Variants in DGKQ observed in about 807,000 individuals in gnomAD.
The protein encoded by DGKQ is DAG kinase theta.
In DGKQ, 97 loss-of-function variants were observed where a neutral mutation model predicts 104.2. The observed-to-expected ratio is 0.93, with a 90% confidence interval of 0.79 to 1.10. The LOEUF (loss-of-function observed/expected upper bound fraction) is 1.10, where lower values mean the gene tolerates loss of function less well. DGKQ is among the 50% of genes least tolerant of loss of function. The pLI is 0.00. For synonymous variants in DGKQ, 736 were observed against 595.2 expected (o/e 1.24, Z -3.44); for missense variants, 1,465 against 1,352.1 (o/e 1.08, Z -1.31).
Position 973,229 on chromosome 4 carries a change from GC to G in DGKQ, c.253del (p.Ala85ProfsTer17). ...HLCSDFIWGL[A>X]GFLCDVCNFM... ...GCGCTCACCGTCGCACAGGAAGCCG[GC>G]CAGCCCCCAGATGAAGTCGGAGCAG... On this transcript the variant is annotated frameshift_variant, in exon 1 of 23. Coordinates refer to ENST00000273814, the MANE Select transcript of DGKQ (RefSeq NM_001347.4). LOFTEE classifies it high-confidence loss of function. 1 of 1,561,532 alleles carries G rather than the reference GC, an allele frequency of 6.4e-7. No individual in the cohort carries two copies. Among genetic ancestry groups the G allele is most frequent in the Non-Finnish European group, 8.6e-7 (1 of 1,156,792 alleles).
chr4:968,290 C>T lies in DGKQ; in HGVS notation c.655G>A (p.Gly219Arg). The T allele has an allele frequency of 5.3e-6, 8 of 1,499,992 alleles. No individual in the cohort carries two copies. The highest frequency in any genetic ancestry group is 1.2e-5 in the South Asian group (1 of 81,544). 92.9% of individuals were successfully genotyped at this position (1,499,992 alleles called of 1,614,324 possible). A position where few individuals can be genotyped will look rare whatever the true frequency, so the allele number is the denominator to read the frequency against. ...VLAGVRCEWC[G>R]VQAHSLCSAA... ...GACTTCCCAGCGCCCACCTGGACCC[C>T]GCACCACTCGCAGCGCACGCCGGCC... Residue 219 changes from glycine to arginine, a missense_variant, in exon 5 of 23, where the codon GGG (glycine) becomes AGG (arginine). Physicochemically the swap from Gly to Arg is moderately radical, Grantham distance 125 (BLOSUM62 -2). Transcript: ENST00000273814.
rs1032089599 is a variant in DGKQ at position 967,638 on chromosome 4, G to C, written c.898C>G (p.Leu300Val). The C allele has an allele frequency of 1.2e-6, 2 of 1,612,628 alleles. No homozygotes were observed. Among genetic ancestry groups the C allele is most frequent in the South Asian group, 1.1e-5 (1 of 91,086 alleles). The change falls in exon 8 of 23, where the codon CTG becomes GTG. Residue 300 changes from leucine (L) to valine (V), a missense_variant. Physicochemically the swap from Leu to Val is conservative, Grantham distance 32. Transcript: ENST00000273814. ...GCGTCGTCGCCATCAAAGATCTTCA[G>C]CGTTTGCTTCCCTGGGCCGGGTAAG... is the stretch of plus-strand genomic sequence containing the variant. The part of the protein sequence containing the change: ...QATPESGKQT[L>V]KIFDGDDAVR...
chr4:961,422 G>A (rs1560510290), intron 21 of DGKQ, 45 bp downstream of exon 21: 2 of 1,540,854 alleles, frequency 1.3e-6, no homozygotes, highest in Non-Finnish European at 8.8e-7. Flanking sequence ...CGGGGACCGG[G>A]GACGCCCACC....
chr4:970,913 A>G (rs1356293372), intron 2 of DGKQ, 80 bp downstream of exon 2: 3 of 1,120,878 alleles, frequency 2.7e-6, no homozygotes, highest in Non-Finnish European at 2.6e-6. Context: ...TCTGACATGA[A>G]GGTTTTCAGT....
chr4:970,933 C>G (rs2063904745), intron 2 of DGKQ, 60 bp downstream of exon 2: 7 of 1,362,772 alleles, frequency 5.1e-6, no homozygotes. Context: ...TGCCTCGACC[C>G]TACGAGAGCT....
At chr4:965,676 G>C in intron 13 of DGKQ, 147 bp from the exon 14 acceptor site, 1 of 966,268 alleles carries the variant, frequency 1.0e-6, no homozygotes, top group Non-Finnish European at 1.5e-6. Flanking sequence ...TCCAGGAGCA[G>C]GACTCCCAGC....
chr4:967,080 G>T, intron 9 of DGKQ, 26 bp from the exon 10 acceptor site: 1 of 1,544,632 alleles, frequency 6.5e-7, no homozygotes, highest in South Asian at 1.2e-5. Flanking sequence ...CTGAGCTGGA[G>T]CTCCCCCCAC....
chr4:967,678 G>C, intron 7 of DGKQ, 29 bp from the exon 8 acceptor site: 1 of 1,612,346 alleles, frequency 6.2e-7, no homozygotes, highest in African/African-American at 1.3e-5. Flanking sequence ...GTGAGTCCCG[G>C]GCGCCCGGGG....
intron 13 of DGKQ, 53 bp downstream of exon 13, chr4:965,875 C>T (rs1021792141): frequency 1.9e-5 from 28 of 1,507,524 alleles, no homozygotes; most frequent in Non-Finnish European, 2.4e-5. Flanking sequence ...CCACTGCCTG[C>T]CGCTCGACCC....
At chr4:965,830 C>T in intron 13 of DGKQ, 98 bp downstream of exon 13, 1 of 1,367,558 alleles carries the variant, frequency 7.3e-7, no homozygotes, top group Non-Finnish European at 9.8e-7. Context: ...CTTGGTGGCT[C>T]AAGGAGAGGC....
At position 967,792 on chromosome 4, in the gene DGKQ, G is replaced by A. The variant is rs772791069; in HGVS notation, c.822C>T (p.Gly274=). Residue 274 remains glycine, a synonymous_variant, in exon 7 of 23, where the codon GGC becomes GGT. Transcript: ENST00000273814. ...IVEAAEPGEG[G]DGADGSAAVG... ...CGGCAGCGCTCCCGTCGGCGCCGTC[G>A]CCCCCCTCGCCTGCGGGTCGGGCAC... is the stretch of plus-strand genomic sequence containing the variant. 5 of 1,600,854 alleles carry A rather than the reference G, an allele frequency of 3.1e-6. No individual in the cohort carries two copies. The highest frequency in any genetic ancestry group is 1.3e-5 in the African/African-American group (1 of 74,710).
At position 962,818 on chromosome 4, in the gene DGKQ, T is replaced by A. The variant is rs1422213650; in HGVS notation, c.1989A>T (p.Arg663=). Reference sequence around the variant, plus strand: ...CCACAGAAGGCTCCGGGCAGGCCAGTCGGTACCGTGTCTCCTCCAGGGCGC... The same window carrying A: ...CCACAGAAGGCTCCGGGCAGGCCAGACGGTACCGTGTCTCCTCCAGGGCGC... ...VLGALEETRY[R]LACPEPSVAI... Residue 663 remains arginine, a synonymous_variant, in exon 17 of 23, where the codon CGA becomes CGT. Coordinates refer to ENST00000273814, the MANE Select transcript of DGKQ (RefSeq NM_001347.4). 7.5e-6 allele frequency: 12 copies of A among 1,606,150 alleles called. 1 individual carries two copies. In the South Asian group the frequency reaches 1.3e-4, roughly 18 times the overall value.
chr4:962,470 C>A lies in DGKQ; in HGVS notation c.2179G>T (p.Ala727Ser). The change falls in exon 18 of 23, where the codon GCA becomes TCA. Residue 727 changes from alanine to serine, a missense_variant. By Grantham distance (99) the Ala-to-Ser change is moderately conservative. Coordinates refer to ENST00000273814, the MANE Select transcript of DGKQ (RefSeq NM_001347.4). Reference sequence around the variant, plus strand: ...TCTGCGTCTGCCGTGTCGTTCTCTGCACTGCCAGCCTCGTGGGCATCCAGC... The same window carrying A: ...TCTGCGTCTGCCGTGTCGTTCTCTGAACTGCCAGCCTCGTGGGCATCCAGC... ...ILLDAHEAGS[A>S]ENDTADAEPP... 6.2e-7 allele frequency: 1 copy of A among 1,603,540 alleles called. No homozygotes were observed.
At position 968,631 on chromosome 4, in the gene DGKQ, G is replaced by A. The variant is rs913923341; in HGVS notation, c.452-67C>T. ...GGACCCCTGCCTCTGCCGGTGCTTG[G>A]GTCTGCCCCATCCCCACCACCTAGC... On this transcript the variant is annotated intron_variant, in intron 3 of 22. Coordinates refer to ENST00000273814, the MANE Select transcript of DGKQ (RefSeq NM_001347.4). 126 of 1,480,342 alleles carry A rather than the reference G, an allele frequency of 8.5e-5. 1 individual carries two copies. Among genetic ancestry groups the A allele is most frequent in the Middle Eastern group, 4.6e-4 (2 of 4,382 alleles). 91.7% of individuals were successfully genotyped at this position (1,480,342 alleles called of 1,614,324 possible).
At position 961,705 on chromosome 4, in the gene DGKQ, G is replaced by A. The variant is rs1393370925; in HGVS notation, c.2445C>T (p.Ile815=). ...EVELPSIEGL[I]FINIPSWGSG... ...GCGAGCACCTGGGGATGTTGATGAA[G>A]ATGAGGCCTTCAATACTGGGCAGCT... The change falls in exon 20 of 23, where the codon ATC becomes ATT. Residue 815 remains isoleucine, a synonymous_variant. Transcript: ENST00000273814. 2.5e-6 allele frequency: 4 copies of A among 1,612,616 alleles called. No homozygotes were observed. The highest frequency in any genetic ancestry group is 2.7e-5 in the African/African-American group (2 of 74,914).
intron 21 of DGKQ, 32 bp from the exon 22 acceptor site, chr4:961,233 G>A (rs752228345): frequency 9.3e-6 from 14 of 1,501,274 alleles, no homozygotes; most frequent in Middle Eastern, 4.8e-4. Flanking sequence ...GGGCTCAGCG[G>A]GGATCAGGGA....
chr4:967,713 G>T lies in DGKQ; in HGVS notation c.886+15C>A, dbSNP rs763623189. ...GGACCTCAGTGGAGTTGGGGGGAAT[G>T]AGGCGGGCACTTACCGGACTCCGGA... On this transcript the variant is annotated intron_variant, in intron 7 of 22. Transcript: ENST00000273814. 7.4e-6 allele frequency: 12 copies of T among 1,611,874 alleles called. No homozygotes were observed. The South Asian group carries it at 1.3e-4, about 18-fold the overall frequency.
In DGKQ at chr4:968,460, C is replaced by T. The variant is rs1219688938; in HGVS notation, c.537+19G>A. ...GGCCCGCCCCACCCCCCAGGGCTCC[C>T]TGGGGCCGGTACACTCACGTGATCC... On this transcript the variant is annotated intron_variant, in intron 4 of 22. Coordinates refer to ENST00000273814, the MANE Select transcript of DGKQ (RefSeq NM_001347.4). 1 of 1,599,214 alleles carries T rather than the reference C, an allele frequency of 6.3e-7. No individual in the cohort carries two copies. The highest frequency in any genetic ancestry group is 8.5e-7 in the Non-Finnish European group (1 of 1,173,542).
chr4:966,884 G>A, intron 10 of DGKQ, 80 bp downstream of exon 10: 13 of 1,555,128 alleles, frequency 8.4e-6, no homozygotes, highest in Admixed American at 1.9e-5. Flanking sequence ...CGCCTGGGCT[G>A]GGATGGTGGC....
Sources: gnomAD v4.1 joint callset for allele counts on GRCh38, gnomAD v4.1.1 for gene constraint, MANE v1.5 for transcripts, NCBI Gene and HGNC (gene_info 2026-07-23, HGNC 2026-07-21) for gene names.